NYAP2: variants seen among roughly 807,000 people sequenced by gnomAD.
NYAP2 encodes neuronal tyrosine-phosphorylated phosphoinositide-3-kinase adaptor 2.
Under a neutral mutation model 50.4 loss-of-function variants are expected in NYAP2, and 23 were observed. The observed-to-expected ratio is 0.46, with a 90% CI of 0.33 to 0.65. The LOEUF is 0.65. Ranked by LOEUF, NYAP2 falls within the 30% of genes least tolerant of loss-of-function variation. NYAP2 has a pLI of 0.02. For missense variants in NYAP2, 885 were observed against 861.0 expected, an observed-to-expected ratio of 1.03 and a Z score of -0.35; for synonymous variants, 394 against 365.2, an observed-to-expected ratio of 1.08 and a Z score of -0.90.
chr2:225,430,076 T>C (rs1374685357), intron 3 of NYAP2, among the ~76,000 whole-genome samples: 2 of 152,242 alleles, frequency 1.3e-5, no homozygotes, highest in Non-Finnish European at 2.9e-5. Flanking sequence ...TATTCACTCA[T>C]ATTTATCTCT....
At chr2:225,616,412 A>G (rs1346330399) in intron 5 of NYAP2, among the ~76,000 whole-genome samples, 1 of 152,238 alleles carries the variant, frequency 6.6e-6, no homozygotes, top group Non-Finnish European at 1.5e-5. Context: ...ATGGAATAAT[A>G]GCAGTGCAAC....
chr2:225,631,305 C>T (rs1248161989), intron 6 of NYAP2, among the ~76,000 whole-genome samples: 1 of 152,144 alleles, frequency 6.6e-6, no homozygotes, highest in Non-Finnish European at 1.5e-5. Context: ...CCCAAAGCAT[C>T]TCTTTTGGTT....
At chr2:225,405,799 G>T (rs1184775001) in intron 2 of NYAP2, among the ~76,000 whole-genome samples, 2 of 151,954 alleles carry the variant, frequency 1.3e-5, no homozygotes, top group Non-Finnish European at 2.9e-5. Context: ...GGGGACAATG[G>T]TTATGTGGAG....
At chr2:225,679,093 C>A in the NYAP2 span, among the ~76,000 whole-genome samples, 1 of 151,910 alleles carries the variant, frequency 6.6e-6, no homozygotes, top group Non-Finnish European at 1.5e-5. Context: ...AGAAACTTGG[C>A]AAGTGTTGTT....
chr2:225,671,800 GTTATC>G, the NYAP2 span, among the ~76,000 whole-genome samples: 1 of 152,102 alleles, frequency 6.6e-6, no homozygotes, highest in Non-Finnish European at 1.5e-5. Flanking sequence ...TAGAATGAAT[GTTATC>G]TTAGCAGGCA....
chr2:225,622,570 TCTTTCTTTC>T, intron 5 of NYAP2, among the ~76,000 whole-genome samples: 1 of 116,048 alleles, frequency 8.6e-6, no homozygotes, highest in Non-Finnish European at 2.0e-5. Context: ...TTTCTTTCTT[TCTTTCTTTC>T]TTCTTTCTTT....
At chr2:225,549,961 G>A (rs1241909698) in intron 4 of NYAP2, among the ~76,000 whole-genome samples, 1 of 151,460 alleles carries the variant, frequency 6.6e-6, no homozygotes, top group African/African-American at 2.4e-5. Flanking sequence ...CTCCAGCCTG[G>A]GCAACAGAGT....
chr2:225,553,200 G>C (rs1472774692), intron 4 of NYAP2, among the ~76,000 whole-genome samples: 1 of 152,206 alleles, frequency 6.6e-6, no homozygotes, highest in Non-Finnish European at 1.5e-5. Flanking sequence ...CTGGTTCTAG[G>C]ACCACTAGAA....
At chr2:225,443,866 G>A (rs935081138) in intron 3 of NYAP2, among the ~76,000 whole-genome samples, 2 of 152,156 alleles carry the variant, frequency 1.3e-5, no homozygotes, top group African/African-American at 4.8e-5. Flanking sequence ...TATAAGGAAT[G>A]GTCACTGACC....
At chr2:225,580,005 T>C (rs1196235799) in intron 4 of NYAP2, among the ~76,000 whole-genome samples, 3 of 152,242 alleles carry the variant, frequency 2.0e-5, no homozygotes. Flanking sequence ...AGCATCTCTC[T>C]CTTCAGTCCT....
upstream of NYAP2, among the ~76,000 whole-genome samples, chr2:225,398,008 T>C (rs890775011): frequency 4.6e-5 from 7 of 152,094 alleles, no homozygotes; most frequent in African/African-American, 1.7e-4. Context: ...CCATCTATTG[T>C]TATAAATATG....
intron 5 of NYAP2, among the ~76,000 whole-genome samples, chr2:225,620,967 A>T (rs1229352925): frequency 6.6e-6 from 1 of 152,094 alleles, no homozygotes; most frequent in African/African-American, 2.4e-5. Context: ...TACAAAAATT[A>T]GCCGGGCATG....
At chr2:225,672,616 A>C in the NYAP2 span, among the ~76,000 whole-genome samples, 1 of 152,164 alleles carries the variant, frequency 6.6e-6, no homozygotes, top group South Asian at 2.1e-4. Context: ...GGCAACAAGA[A>C]ACGTGGCATT....
chr2:225,497,894 C>G (rs1559196118), intron 3 of NYAP2, among the ~76,000 whole-genome samples: 1 of 151,960 alleles, frequency 6.6e-6, no homozygotes, highest in Admixed American at 6.6e-5. Flanking sequence ...GATCAGTTCC[C>G]TTTAGAGGTT....
the NYAP2 span, among the ~76,000 whole-genome samples, chr2:225,691,394 T>C: frequency 0.02 from 3,041 of 152,264 alleles, 106 homozygotes; most frequent in African/African-American, 0.068. Flanking sequence ...ATACACTTCA[T>C]TTTAGTTTTT....
At chr2:225,585,998 T>G (rs1214725194) in intron 5 of NYAP2, among the ~76,000 whole-genome samples, 1 of 152,220 alleles carries the variant, frequency 6.6e-6, no homozygotes, top group Non-Finnish European at 1.5e-5. Flanking sequence ...TCATTATTCT[T>G]TTTAAGTTTC....
rs187212683 is a variant in NYAP2, at chr2:225,499,430, A to G, written c.222-13941A>G. Among the ~76,000 whole-genome samples, 857 of 151,528 alleles carry G rather than the reference A, an allele frequency of 5.7e-3. 5 individuals carry two copies. The highest frequency in any genetic ancestry group is 0.012 in the Admixed American group (175 of 15,196). On this transcript the variant is annotated intron_variant, in intron 3 of 6. Coordinates refer to ENST00000636099, the Ensembl canonical transcript of NYAP2. Reference sequence around the variant, plus strand: ...GGGGTTCACGCCATGCTCCTGCCTCAGCCTCCCGAGTAGCTGGGACTACAG... The same window carrying G: ...GGGGTTCACGCCATGCTCCTGCCTCGGCCTCCCGAGTAGCTGGGACTACAG...
intron 4 of NYAP2, 27 bp from the exon 5 acceptor site, chr2:225,581,914 A>G: frequency 6.3e-7 from 1 of 1,575,126 alleles, no homozygotes; most frequent in Non-Finnish European, 8.6e-7. Context: ...ATACTCATCT[A>G]TTCCACTACG....
At chr2:225,641,597 G>A (rs562866866) in intron 6 of NYAP2, among the ~76,000 whole-genome samples, 3 of 151,968 alleles carry the variant, frequency 2.0e-5, no homozygotes, top group African/African-American at 4.8e-5. Flanking sequence ...GGTGGATCAC[G>A]ATGTCAGGAG....
Sources: allele counts gnomAD v4.1 joint callset (sites outside exome capture counted in the v4.1 genomes callset), GRCh38; gene constraint gnomAD v4.1.1; transcripts MANE v1.5; gene names NCBI Gene and HGNC (gene_info 2026-07-23, HGNC 2026-07-21).